PSMD9: variants seen among roughly 807,000 people sequenced by gnomAD.
PSMD9 encodes the protein proteasome 26S subunit, non-ATPase 9, also known as 26S proteasome non-ATPase regulatory subunit 9.
PSMD9 carries 26 observed loss-of-function variants against 25.9 expected under a neutral mutation model. The observed-to-expected ratio is 1.00, with a 90% CI of 0.73 to 1.39. The LOEUF is 1.39. PSMD9 is among the 40% of genes most tolerant of loss of function. PSMD9 has a pLI of 0.00. For missense variants in PSMD9, 303 were observed against 299.3 expected, an observed-to-expected ratio of 1.01 and a Z score of -0.09; for synonymous variants, 110 against 114.5, an observed-to-expected ratio of 0.96 and a Z score of 0.25.
At chr12:121,909,995 T>C (rs1226863725) in intron 4 of PSMD9, among the ~76,000 whole-genome samples, 2 of 152,098 alleles carry the variant, frequency 1.3e-5, no homozygotes, top group Admixed American at 1.3e-4. Context: ...AAGTAGCACC[T>C]GTGAGTGCGT....
chr12:121,908,983 G>A (rs1300170075), intron 4 of PSMD9, among the ~76,000 whole-genome samples: 1 of 152,036 alleles, frequency 6.6e-6, no homozygotes, highest in Non-Finnish European at 1.5e-5. Flanking sequence ...TTTTCCTGAG[G>A]TGCAGAAGGG....
At chr12:121,890,519 G>T (rs577880747) in intron 1 of PSMD9, among the ~76,000 whole-genome samples, 1 of 152,048 alleles carries the variant, frequency 6.6e-6, no homozygotes, top group Admixed American at 6.6e-5. Context: ...CCAGGCTGGA[G>T]TTCAGTGGCA....
At chr12:121,901,666 C>CTTCTTTTTTTTTTTTTTT (rs1879401097) in intron 3 of PSMD9, among the ~76,000 whole-genome samples, 2 of 93,610 alleles carry the variant, frequency 2.1e-5, no homozygotes, top group African/African-American at 1.2e-4. Context: ...TTCATTCCTT[C>CTTCTTTTTTTTTTTTTTT]TTTTTTTTTT....
Position 121,916,379 on chromosome 12 carries a change from A to T in PSMD9, c.*68A>T. 1 of 1,561,908 alleles carries T rather than the reference A, an allele frequency of 6.4e-7. No individual in the cohort carries two copies. Among genetic ancestry groups the T allele is most frequent in the Non-Finnish European group, 8.8e-7 (1 of 1,132,582 alleles). On this transcript the variant is annotated 3_prime_UTR_variant, in exon 6 of 6. Coordinates refer to ENST00000541212, the MANE Select transcript of PSMD9 (RefSeq NM_002813.7). ...CTGGACTTGGGTCTAGGGATTTCCA[A>T]CTTGTCTTCTCTCCCTGAAGCATAA... is the stretch of plus-strand genomic sequence containing the variant.
chr12:121,893,655 G>A (rs1879150659), intron 1 of PSMD9, among the ~76,000 whole-genome samples: 1 of 152,154 alleles, frequency 6.6e-6, no homozygotes, highest in South Asian at 2.1e-4. Context: ...TGTGTCACTT[G>A]AACCTCTGCC....
At chr12:121,900,036 T>C in intron 3 of PSMD9, 191 bp downstream of exon 3, 1 of 672,836 alleles carries the variant, frequency 1.5e-6, no homozygotes, top group Non-Finnish European at 2.5e-6. Flanking sequence ...TAGAGAGGGG[T>C]CAGCCCCGGC....
intron 3 of PSMD9, among the ~76,000 whole-genome samples, chr12:121,901,425 T>G (rs1374234898): frequency 1.3e-5 from 2 of 152,148 alleles, no homozygotes; most frequent in Non-Finnish European, 2.9e-5. Flanking sequence ...CATAGCTCAC[T>G]GCAACCTCAA....
At chr12:121,909,534 C>A (rs905695634) in intron 4 of PSMD9, among the ~76,000 whole-genome samples, 1 of 151,502 alleles carries the variant, frequency 6.6e-6, no homozygotes, top group Non-Finnish European at 1.5e-5. Flanking sequence ...TTGCCTAGGC[C>A]GGTCTAGAAC....
chr12:121,903,203 C>A, intron 4 of PSMD9, 96 bp downstream of exon 4: 1 of 1,142,484 alleles, frequency 8.8e-7, no homozygotes, highest in Non-Finnish European at 1.3e-6. Flanking sequence ...TCATTTTTCA[C>A]AGCTCTGGAG....
At chr12:121,916,093 A>G in intron 5 of PSMD9, 149 bp downstream of exon 5, 2 of 1,157,704 alleles carry the variant, frequency 1.7e-6, no homozygotes, top group South Asian at 1.4e-5. Context: ...CGTGGTAGGA[A>G]CGAGACTACA....
chr12:121,895,706 C>T lies in PSMD9; in HGVS notation c.241+865C>T, dbSNP rs191734924. On this transcript the variant is annotated intron_variant, in intron 2 of 5. Coordinates refer to ENST00000541212, the MANE Select transcript of PSMD9 (RefSeq NM_002813.7). ...ACATCTCTTTCTCTCACTCTCCTGC[C>T]TCCCTCTTTCACCTATAAAGACCTC... 2.6e-5 allele frequency among the ~76,000 whole-genome samples: 4 copies of T among 152,332 alleles called. No individual in the cohort carries two copies. In the East Asian group the frequency reaches 7.7e-4, roughly 29 times the overall value.
At chr12:121,901,405 A>G (rs1667581) in intron 3 of PSMD9, among the ~76,000 whole-genome samples, 6,550 of 152,158 alleles carry the variant, frequency 0.043, 448 homozygotes, top group African/African-American at 0.15. Context: ...CTTCAGTGCC[A>G]TGGTGCCATC....
At chr12:121,899,889 G>A (rs367766002) in intron 3 of PSMD9, 44 bp downstream of exon 3, 26 of 1,605,716 alleles carry the variant, frequency 1.6e-5, no homozygotes, top group South Asian at 8.8e-5. Flanking sequence ...CAGGGGACAC[G>A]GTGGGTCAGG....
chr12:121,915,641 A>G, intron 4 of PSMD9: 1 of 529,426 alleles, frequency 1.9e-6, no homozygotes, highest in Non-Finnish European at 3.3e-6. Context: ...TGGTGGTGGG[A>G]CACGTGTTTT....
chr12:121,892,147 T>C (rs1026017266), intron 1 of PSMD9, among the ~76,000 whole-genome samples: 11 of 152,156 alleles, frequency 7.2e-5, no homozygotes, highest in African/African-American at 2.4e-4. Flanking sequence ...ATCATTTCTC[T>C]GATAAGAGGA....
At chr12:121,908,610 C>T (rs574071410) in intron 4 of PSMD9, among the ~76,000 whole-genome samples, 1 of 152,202 alleles carries the variant, frequency 6.6e-6, no homozygotes, top group African/African-American at 2.4e-5. Flanking sequence ...GCCTTGGGAG[C>T]ACTTTGGTGG....
At chr12:121,898,306 C>T (rs1227763238) in intron 2 of PSMD9, 2 of 152,192 alleles carry the variant, frequency 1.3e-5, no homozygotes, top group African/African-American at 4.8e-5. Flanking sequence ...TGCAGATTGC[C>T]ATGGTGGTTC....
At chr12:121,912,311 G>T (rs997127722) in intron 4 of PSMD9, among the ~76,000 whole-genome samples, 3 of 152,064 alleles carry the variant, frequency 2.0e-5, no homozygotes, top group African/African-American at 7.2e-5. Flanking sequence ...TATTATAGGC[G>T]TGAGCCACCG....
At chr12:121,904,593 A>G (rs1017216508) in intron 4 of PSMD9, among the ~76,000 whole-genome samples, 1 of 150,348 alleles carries the variant, frequency 6.7e-6, no homozygotes, top group Non-Finnish European at 1.5e-5. Context: ...AATTCTTTTA[A>G]TTCTTTTATT....
Sources: gnomAD v4.1 joint callset for allele counts (sites outside exome capture counted in the v4.1 genomes callset) on GRCh38, gnomAD v4.1.1 for gene constraint, MANE v1.5 for transcripts, NCBI Gene and HGNC (gene_info 2026-07-23, HGNC 2026-07-21) for gene names.